Variants in MFAP3L observed in about 807,000 individuals in gnomAD.
MFAP3L encodes microfibril associated protein 3 like, also known as microfibrillar-associated protein 3-like.
In MFAP3L, 5 loss-of-function variants were observed where a neutral mutation model predicts 20.0. That is an observed-to-expected ratio of 0.25 (90% CI 0.13 to 0.53). The LOEUF (loss-of-function observed/expected upper bound fraction) is 0.53. Ranked by LOEUF, MFAP3L falls within the 20% of genes least tolerant of loss-of-function variation. The pLI, the probability that MFAP3L is intolerant of heterozygous loss-of-function variation, is 0.96. For missense variants in MFAP3L, 409 were observed against 527.5 expected, an observed-to-expected ratio of 0.78 and a Z score of 2.20; for synonymous variants, 219 against 213.0, an observed-to-expected ratio of 1.03 and a Z score of -0.25.
In MFAP3L at chr4:169,989,114, T is replaced by C. The variant is rs906481450; in HGVS notation, c.*2264A>G. 1 of 152,210 alleles carries C rather than the reference T, an allele frequency of 6.6e-6. No homozygotes were observed. The highest frequency in any genetic ancestry group is 2.4e-5 in the African/African-American group (1 of 41,452). The allele number at this position is 152,210 out of a possible 1,614,324, so 9.4% of individuals were successfully genotyped here. A position where few individuals can be genotyped will look rare whatever the true frequency, so the allele number is the denominator to read the frequency against. On this transcript the variant is annotated 3_prime_UTR_variant, in exon 3 of 3. Transcript: ENST00000361618. ...ATGGTAATGAATCTGTGGACCTCCA[T>C]GACAACTGGAAAATTTTTATATTCT...
chr4:170,026,173 G>A (rs966148754), intron 1 of MFAP3L, 61 bp downstream of exon 1: 3 of 947,248 alleles, frequency 3.2e-6, no homozygotes, highest in Non-Finnish European at 2.5e-6. Flanking sequence ...CCGCCGACCC[G>A]GTGCGGGGCT....
intron 2 of MFAP3L, among the ~76,000 whole-genome samples, chr4:170,004,377 C>T (rs766860413): frequency 1.3e-5 from 2 of 152,128 alleles, no homozygotes; most frequent in Non-Finnish European, 2.9e-5. Context: ...AAGTTCGACT[C>T]TCCTAGGTTA....
intron 1 of MFAP3L, among the ~76,000 whole-genome samples, chr4:170,025,694 C>T (rs530075206): frequency 1.3e-5 from 2 of 152,290 alleles, no homozygotes; most frequent in South Asian, 4.1e-4. Context: ...CGACAAACTC[C>T]GAGAGCTTCA....
rs1481884413 is a variant in MFAP3L, at chr4:169,992,380, TAAGAACATCTATGAACATCTATG to T, written c.299-94_299-72del. The T allele has an allele frequency of 7.8e-7, 1 of 1,289,580 alleles. No individual in the cohort carries two copies. Among genetic ancestry groups the T allele is most frequent in the Non-Finnish European group, 1.1e-6 (1 of 924,586 alleles). 79.9% of individuals were successfully genotyped at this position (1,289,580 alleles called of 1,614,324 possible). On this transcript the variant is annotated intron_variant, in intron 2 of 2. Transcript: ENST00000361618. The surrounding 1 kb of genome is among the most constrained non-coding windows in gnomAD (Gnocchi z 4.3). ...CCATGACTACAAACTGATACGTTTC[TAAGAACATCTATGAACATCTATG>T]AAGAACATCTATGAAGTCTATGAAC...
intron 1 of MFAP3L, among the ~76,000 whole-genome samples, chr4:170,022,528 G>GT (rs368409899): frequency 6.6e-6 from 1 of 152,160 alleles, no homozygotes; most frequent in African/African-American, 2.4e-5. Flanking sequence ...GGATATGGCT[G>GT]TATTTGCTTT....
chr4:169,999,259 A>G lies in MFAP3L; in HGVS notation c.298+6321T>C, dbSNP rs375905149. 2.8e-4 allele frequency among the ~76,000 whole-genome samples: 42 copies of G among 152,310 alleles called. No individual in the cohort carries two copies. In the East Asian group the frequency reaches 6.9e-3, roughly 25 times the overall value. ...ACAAGCTAATTCTTACATCATGTAG[A>G]GCGAAGGTGGCCTGGGATAATATGG... is the stretch of plus-strand genomic sequence containing the variant. On this transcript the variant is annotated intron_variant, in intron 2 of 2. Coordinates refer to ENST00000361618, the MANE Select transcript of MFAP3L (RefSeq NM_021647.8).
chr4:169,994,145 G>A (rs1737955582), intron 2 of MFAP3L: 3 of 980,442 alleles, frequency 3.1e-6, no homozygotes, highest in Non-Finnish European at 3.6e-6. Context: ...CCATAGAGAA[G>A]ACATTGGGTT....
At chr4:170,006,896 G>C (rs909387565) in intron 1 of MFAP3L, 1 of 152,122 alleles carries the variant, frequency 6.6e-6, no homozygotes, top group African/African-American at 2.4e-5. Context: ...GTTACTTACG[G>C]GCTCCAGGTC....
At position 170,005,743 on chromosome 4, in the gene MFAP3L, A is replaced by G; in HGVS notation, c.135T>C (p.Ser45=). 1 of 1,614,242 alleles carries G rather than the reference A, an allele frequency of 6.2e-7. No homozygotes were observed. The change falls in exon 2 of 3, where the codon TCT becomes TCC. Residue 45 remains serine, a synonymous_variant. Transcript: ENST00000361618. ...CAGTTCTGGCAATGATTACGGGCAC[A>G]GAGCCCAAGACCACGTTAGTGCCAT... ...TLNGTNVVLG[S]VPVIIARTDH...
intron 2 of MFAP3L, among the ~76,000 whole-genome samples, chr4:169,998,524 A>G (rs973242912): frequency 6.6e-6 from 1 of 152,242 alleles, no homozygotes; most frequent in Non-Finnish European, 1.5e-5. Flanking sequence ...CTGAAACCTT[A>G]AATCTTTCCA....
At chr4:170,010,867 T>C (rs1427424945) in intron 1 of MFAP3L, among the ~76,000 whole-genome samples, 1 of 152,152 alleles carries the variant, frequency 6.6e-6, no homozygotes, top group East Asian at 1.9e-4. Flanking sequence ...GAATTTTAGA[T>C]AATTAGGGTG....
rs771263749 is a variant in MFAP3L, at chr4:170,005,807, G to A, written c.71C>T (p.Thr24Ile). 1.2e-6 allele frequency: 2 copies of A among 1,614,226 alleles called. No individual in the cohort carries two copies. The highest frequency in any genetic ancestry group is 2.2e-5 in the East Asian group (1 of 44,876). ...PSVPFLILVS[T>I]LATAKSVTNS... Reference sequence around the variant, plus strand: ...AGTCACACTCTTAGCGGTGGCTAGAGTGGATACTAGGATTAAAAAGGGCAC... The same window carrying A: ...AGTCACACTCTTAGCGGTGGCTAGAATGGATACTAGGATTAAAAAGGGCAC... The change falls in exon 2 of 3, where the codon ACT becomes ATT. Residue 24 changes from threonine to isoleucine, a missense_variant. Thr to Ile is a moderately conservative substitution (Grantham distance 89). Around this residue, in one of 3 missense-constraint regions of MFAP3L, gnomAD observed 113 missense variants for 131.1 expected, o/e 0.86. Coordinates refer to ENST00000361618, the MANE Select transcript of MFAP3L (RefSeq NM_021647.8).
intron 2 of MFAP3L, among the ~76,000 whole-genome samples, chr4:169,999,362 C>T (rs1581470970): frequency 6.6e-6 from 1 of 152,316 alleles, no homozygotes; most frequent in East Asian, 1.9e-4. Flanking sequence ...TGTTCTACTT[C>T]AAGGTACTAA....
At position 169,993,992 on chromosome 4, in the gene MFAP3L, G is replaced by C. The variant is rs186235109; in HGVS notation, c.299-1683C>G. On this transcript the variant is annotated intron_variant, in intron 2 of 2. Coordinates refer to ENST00000361618, the MANE Select transcript of MFAP3L (RefSeq NM_021647.8). ...CATAAATTTTGATATTTCAGCTGCAGATTTTTTCAAATATACAATGACCTG... is the reference window on the plus strand; with the variant it reads ...CATAAATTTTGATATTTCAGCTGCACATTTTTTCAAATATACAATGACCTG... 6.6e-5 allele frequency among the ~76,000 whole-genome samples: 10 copies of C among 152,118 alleles called. 1 individual carries two copies. Among genetic ancestry groups the C allele is most frequent in the Non-Finnish European group, 1.0e-4 (7 of 68,018 alleles).
chr4:170,013,976 C>G (rs1261597161), intron 1 of MFAP3L, among the ~76,000 whole-genome samples: 1 of 152,192 alleles, frequency 6.6e-6, no homozygotes, highest in Non-Finnish European at 1.5e-5. Flanking sequence ...CACACTGATG[C>G]AGGGGCCTTT....
In MFAP3L at chr4:170,004,358, G is replaced by A. The variant is rs993025427; in HGVS notation, c.298+1222C>T. On this transcript the variant is annotated intron_variant, in intron 2 of 2. Transcript: ENST00000361618. ...TTGCTATGGTCCCACAATTCCTCTTGGTGGGTAAAAGTTCGACTCTCCTAG... is the reference window on the plus strand; with the variant it reads ...TTGCTATGGTCCCACAATTCCTCTTAGTGGGTAAAAGTTCGACTCTCCTAG... 3.3e-5 allele frequency among the ~76,000 whole-genome samples: 5 copies of A among 152,186 alleles called. No homozygotes were observed. The South Asian group carries it at 8.3e-4, about 25-fold the overall frequency.
upstream of MFAP3L, chr4:170,026,962 TAAAGC>T (rs1319811983): frequency 2.0e-5 from 3 of 152,242 alleles, no homozygotes; most frequent in East Asian, 3.9e-4. Flanking sequence ...AAACGTCTCT[TAAAGC>T]AAAGTCCACA....
intron 1 of MFAP3L, among the ~76,000 whole-genome samples, chr4:170,025,164 GTAA>G (rs1740271651): frequency 6.6e-6 from 1 of 152,188 alleles, no homozygotes; most frequent in Non-Finnish European, 1.5e-5. Flanking sequence ...TTCTGTGTAA[GTAA>G]AATGTCAGAA....
At position 169,991,473 on chromosome 4, in the gene MFAP3L, G is replaced by A; in HGVS notation, c.1135C>T (p.Pro379Ser). 1 of 1,614,140 alleles carries A rather than the reference G, an allele frequency of 6.2e-7. No individual in the cohort carries two copies. ...TSEEPTPVEV[P>S]DKVLPPAYLE... ...TAAGCTGGCGGCAGTACCTTATCTG[G>A]TACCTCAACAGGTGTTGGCTCTTCA... Residue 379 changes from proline (P) to serine (S), a missense_variant, in exon 3 of 3, where the codon CCA becomes TCA. Pro to Ser is a moderately conservative substitution (Grantham distance 74). Transcript: ENST00000361618. This position sits in a 1 kb window ranked among gnomAD's most constrained non-coding sequence, Gnocchi z 4.9.
Sources: gnomAD v4.1 joint callset for allele counts (sites outside exome capture counted in the v4.1 genomes callset) on GRCh38, gnomAD v4.1.1 for gene constraint, gnomAD v4.1.1 regional missense constraint, Gnocchi (gnomAD v3.1) non-coding constraint, MANE v1.5 for transcripts, NCBI Gene and HGNC (gene_info 2026-07-23, HGNC 2026-07-21) for gene names.